The following ENTREP2 variants were observed in gnomAD, a reference collection of about 807,000 sequenced individuals.
The protein encoded by ENTREP2 is protein ENTREP2.
chr15:29,451,365 G>C, the ENTREP2 span, among the ~76,000 whole-genome samples: 2 of 152,072 alleles, frequency 1.3e-5, no homozygotes, highest in Non-Finnish European at 1.5e-5. Flanking sequence ...TCTCCCACAG[G>C]AGTCTGCAGG....
At chr15:29,438,341 C>T in the ENTREP2 span, among the ~76,000 whole-genome samples, 1 of 152,206 alleles carries the variant, frequency 6.6e-6, no homozygotes, top group Admixed American at 6.5e-5. Context: ...AAATGGACTC[C>T]CCGTGGCTAA....
At chr15:29,123,316 C>A in the ENTREP2 span, 1 of 1,488,098 alleles carries the variant, frequency 6.7e-7, no homozygotes, top group Non-Finnish European at 9.0e-7. Context: ...GCGTTGGTGT[C>A]CACGGTCAGA....
At chr15:29,213,416 T>C in the ENTREP2 span, among the ~76,000 whole-genome samples, 2 of 152,360 alleles carry the variant, frequency 1.3e-5, no homozygotes, top group South Asian at 2.1e-4. Context: ...ATTCTTCTTA[T>C]CCATGAGCAT....
the ENTREP2 span, among the ~76,000 whole-genome samples, chr15:29,191,667 C>T: frequency 6.6e-6 from 1 of 152,112 alleles, no homozygotes; most frequent in Non-Finnish European, 1.5e-5. Context: ...GCCCATAATC[C>T]CAGCACTTTG....
chr15:29,274,084 G>C, the ENTREP2 span, among the ~76,000 whole-genome samples: 1 of 152,060 alleles, frequency 6.6e-6, no homozygotes, highest in Non-Finnish European at 1.5e-5. Flanking sequence ...CTATGCATAG[G>C]GAAAAACATT....
chr15:29,238,047 C>A, the ENTREP2 span, among the ~76,000 whole-genome samples: 7 of 152,092 alleles, frequency 4.6e-5, no homozygotes, highest in Non-Finnish European at 1.0e-4. Flanking sequence ...CTGATACATG[C>A]TGCAATATGT....
the ENTREP2 span, among the ~76,000 whole-genome samples, chr15:29,395,082 GT>G: frequency 7.2e-6 from 1 of 138,282 alleles, no homozygotes; most frequent in Non-Finnish European, 1.6e-5. Flanking sequence ...TAGAGACGGG[GT>G]TTCACCATGT....
the ENTREP2 span, among the ~76,000 whole-genome samples, chr15:29,404,191 C>G: frequency 6.6e-6 from 1 of 152,034 alleles, no homozygotes; most frequent in African/African-American, 2.4e-5. Flanking sequence ...TGATGATAGC[C>G]CCGGTGAAAA....
At chr15:29,645,838 C>T in the ENTREP2 span, among the ~76,000 whole-genome samples, 6 of 152,124 alleles carry the variant, frequency 3.9e-5, no homozygotes, top group Admixed American at 1.3e-4. Context: ...GGATTACAGG[C>T]GTGAGCCACT....
the ENTREP2 span, among the ~76,000 whole-genome samples, chr15:29,292,294 CCTT>C: frequency 9.2e-5 from 14 of 151,776 alleles, no homozygotes; most frequent in Non-Finnish European, 1.9e-4. Context: ...TCCTTTCTTT[CCTT>C]CTTTTTCTCT....
the ENTREP2 span, among the ~76,000 whole-genome samples, chr15:29,228,045 C>T: frequency 3.3e-5 from 5 of 152,026 alleles, no homozygotes; most frequent in East Asian, 1.9e-4. Flanking sequence ...AAAGGACAAA[C>T]ACTGTGCCGG....
chr15:29,648,175 G>A, the ENTREP2 span, among the ~76,000 whole-genome samples: 2 of 152,144 alleles, frequency 1.3e-5, no homozygotes, highest in South Asian at 2.1e-4. Context: ...CCAAAAAGAG[G>A]CTTTAGCTCA....
chr15:29,439,174 G>A, the ENTREP2 span, among the ~76,000 whole-genome samples: 2 of 152,032 alleles, frequency 1.3e-5, no homozygotes, highest in East Asian at 1.9e-4. Flanking sequence ...GCTATGGGAG[G>A]ACATTCTCTG....
the ENTREP2 span, among the ~76,000 whole-genome samples, chr15:29,638,302 G>T: frequency 1.3e-5 from 2 of 152,200 alleles, no homozygotes; most frequent in Non-Finnish European, 2.9e-5. Flanking sequence ...ATCCTTGGTG[G>T]TGGGGGTTTA....
chr15:29,654,338 C>T, the ENTREP2 span, among the ~76,000 whole-genome samples: 2 of 152,086 alleles, frequency 1.3e-5, no homozygotes, highest in Admixed American at 6.5e-5. Flanking sequence ...AAATTTTGTG[C>T]CAATACTACA....
chr15:29,246,869 A>C, the ENTREP2 span, among the ~76,000 whole-genome samples: 1 of 96,006 alleles, frequency 1.0e-5, no homozygotes, highest in African/African-American at 3.8e-5. Context: ...GCTGATGTGA[A>C]AATGTCCCAG....
chr15:29,342,904 T>C, the ENTREP2 span, among the ~76,000 whole-genome samples: 3 of 152,190 alleles, frequency 2.0e-5, no homozygotes, highest in African/African-American at 7.2e-5. Context: ...CTTCTAAGTT[T>C]GCATACTTTC....
At chr15:29,567,408 C>T in the ENTREP2 span, among the ~76,000 whole-genome samples, 2 of 152,186 alleles carry the variant, frequency 1.3e-5, no homozygotes, top group African/African-American at 4.8e-5. Context: ...ACCCCTTTAC[C>T]AGCATGCTTT....
At chr15:29,279,324 T>C in the ENTREP2 span, among the ~76,000 whole-genome samples, 1 of 152,146 alleles carries the variant, frequency 6.6e-6, no homozygotes, top group African/African-American at 2.4e-5. Flanking sequence ...CATCTCCATA[T>C]GAATTTGAGA....
Sources: allele counts gnomAD v4.1 joint callset (sites outside exome capture counted in the v4.1 genomes callset), GRCh38; gene constraint gnomAD v4.1.1; transcripts MANE v1.5; gene names NCBI Gene and HGNC (gene_info 2026-07-23, HGNC 2026-07-21).